PCED1B: variants seen among roughly 807,000 people sequenced by gnomAD.
PCED1B encodes PC-esterase domain-containing protein 1B.
For synonymous variants in PCED1B, 251 were observed against 246.1 expected (o/e 1.02, Z -0.19); for missense variants, 573 against 573.9 (o/e 1.00, Z 0.02).
chr12:47,235,168 T>A lies in PCED1B; in HGVS notation c.105T>A (p.Leu35=), dbSNP rs774080318. ...VHRAVYKDLV[L]LLQKDRLLTP... ...GGGCAGTATACAAGGACCTGGTGCTTCTGCTGCAGAAGGACCGCCTGCTCA... is the reference window on the plus strand; with the variant it reads ...GGGCAGTATACAAGGACCTGGTGCTACTGCTGCAGAAGGACCGCCTGCTCA... Residue 35 remains leucine, a synonymous_variant, in exon 4 of 4, where the codon CTT becomes CTA. Transcript: ENST00000546455. 4.4e-6 allele frequency: 7 copies of A among 1,586,268 alleles called. No homozygotes were observed. In the Admixed American group the frequency reaches 1.2e-4, roughly 27 times the overall value.
intron 2 of PCED1B, among the ~76,000 whole-genome samples, chr12:47,110,854 C>T (rs540551428): frequency 1.5e-4 from 23 of 152,280 alleles, no homozygotes; most frequent in Admixed American, 4.6e-4. Flanking sequence ...CTTGGTCCAA[C>T]GTGAAGTTTG....
chr12:47,157,440 A>G (rs1941229900), intron 2 of PCED1B, among the ~76,000 whole-genome samples: 1 of 152,108 alleles, frequency 6.6e-6, no homozygotes, highest in African/African-American at 2.4e-5. Flanking sequence ...AACTTTAAAA[A>G]TTGGCCAGGC....
At chr12:47,232,025 T>A (rs1224363613) in intron 3 of PCED1B, among the ~76,000 whole-genome samples, 1 of 152,228 alleles carries the variant, frequency 6.6e-6, no homozygotes, top group African/African-American at 2.4e-5. Context: ...TATCAACTAG[T>A]ATTTCTGATC....
At chr12:47,117,593 A>G (rs1939481889) in intron 2 of PCED1B, among the ~76,000 whole-genome samples, 2 of 152,064 alleles carry the variant, frequency 1.3e-5, no homozygotes, top group Non-Finnish European at 2.9e-5. Context: ...AATCCAGTCT[A>G]TCATTGTTGG....
intron 2 of PCED1B, among the ~76,000 whole-genome samples, chr12:47,175,151 A>G (rs1941880911): frequency 6.6e-6 from 1 of 152,174 alleles, no homozygotes; most frequent in African/African-American, 2.4e-5. Context: ...ACAAATCGTA[A>G]AAGAGGTAGA....
At chr12:47,197,290 T>TA (rs1335525658) in intron 2 of PCED1B, among the ~76,000 whole-genome samples, 14 of 133,170 alleles carry the variant, frequency 1.1e-4, no homozygotes, top group South Asian at 2.5e-4. Flanking sequence ...CCCTCGCTTG[T>TA]AAAAAAAAGT....
chr12:47,216,909 G>C (rs187507264), intron 3 of PCED1B, among the ~76,000 whole-genome samples: 3 of 152,164 alleles, frequency 2.0e-5, no homozygotes, highest in Non-Finnish European at 2.9e-5. Context: ...AAAATGGACA[G>C]TGAAAGAAAA....
chr12:47,094,570 T>C (rs1938398812), intron 1 of PCED1B, among the ~76,000 whole-genome samples: 1 of 152,146 alleles, frequency 6.6e-6, no homozygotes, highest in African/African-American at 2.4e-5. Flanking sequence ...ACTTGCAAGT[T>C]TTACTTCTTT....
intron 2 of PCED1B, among the ~76,000 whole-genome samples, chr12:47,130,803 T>C (rs1408590887): frequency 6.6e-6 from 1 of 152,202 alleles, no homozygotes; most frequent in African/African-American, 2.4e-5. Context: ...ATAGCAATGA[T>C]CAGATTATAC....
At chr12:47,179,027 G>C (rs911369824) in intron 2 of PCED1B, among the ~76,000 whole-genome samples, 1 of 152,158 alleles carries the variant, frequency 6.6e-6, no homozygotes, top group East Asian at 1.9e-4. Context: ...ACTTTGAAAA[G>C]TAATTACATA....
At position 47,236,190 on chromosome 12, in the gene PCED1B, G is replaced by T. The variant is rs1334602451; in HGVS notation, c.1127G>T (p.Gly376Val). 1 of 1,614,056 alleles carries T rather than the reference G, an allele frequency of 6.2e-7. No homozygotes were observed. The highest frequency in any genetic ancestry group is 8.5e-7 in the Non-Finnish European group (1 of 1,180,018). Reference sequence around the variant, plus strand: ...TTCGTCGAAGACAATTTTATGGTTGGTCCTCAGCTGCCTATGCCCTTCTTC... The same window carrying T: ...TTCGTCGAAGACAATTTTATGGTTGTTCCTCAGCTGCCTATGCCCTTCTTC... ...GFFVEDNFMV[G>V]PQLPMPFFPT... Residue 376 changes from glycine to valine, a missense_variant, in exon 4 of 4, where the codon GGT becomes GTT. Gly to Val is a moderately radical substitution (Grantham distance 109). Coordinates refer to ENST00000546455, the MANE Select transcript of PCED1B (RefSeq NM_138371.3).
chr12:47,193,509 A>G (rs1174702089), intron 2 of PCED1B, among the ~76,000 whole-genome samples: 1 of 152,096 alleles, frequency 6.6e-6, no homozygotes, highest in Non-Finnish European at 1.5e-5. Context: ...ACTCGCCTGG[A>G]TTACAATAGT....
chr12:47,201,169 T>A (rs1351124228), intron 2 of PCED1B, among the ~76,000 whole-genome samples: 1 of 152,066 alleles, frequency 6.6e-6, no homozygotes, highest in African/African-American at 2.4e-5. Context: ...TTAAAAGAAT[T>A]TTACAGAAAT....
intron 2 of PCED1B, among the ~76,000 whole-genome samples, chr12:47,199,933 C>A (rs73110234): frequency 1.6e-4 from 24 of 152,118 alleles, no homozygotes; most frequent in Non-Finnish European, 3.2e-4. Context: ...AATAAAAGGG[C>A]AAGCCACAGA....
chr12:47,124,339 A>G (rs768252235), intron 2 of PCED1B, among the ~76,000 whole-genome samples: 16 of 152,008 alleles, frequency 1.1e-4, no homozygotes, highest in Non-Finnish European at 1.9e-4. Context: ...ATGTTGTTTT[A>G]TGTATCAATA....
rs745770383 is a variant in PCED1B, at chr12:47,235,132, C to T, written c.69C>T (p.Asp23=). The T allele has an allele frequency of 9.1e-6, 14 of 1,545,618 alleles. No homozygotes were observed. The East Asian group carries it at 2.9e-4, about 32-fold the overall frequency. ...ATAAGTTCGTGGTCATCCTGGGGGA[C>T]TCTGTGCATAGGGCAGTATACAAGG... ...LHNKFVVILG[D]SVHRAVYKDL... The change falls in exon 4 of 4, where the codon GAC becomes GAT. Residue 23 remains aspartate (D), a synonymous_variant. Transcript: ENST00000546455.
intron 1 of PCED1B, among the ~76,000 whole-genome samples, chr12:47,089,476 A>G (rs987458124): frequency 1.2e-3 from 112 of 90,154 alleles, no homozygotes; most frequent in Non-Finnish European, 1.9e-3. Flanking sequence ...ATATATATAT[A>G]TATATATATA....
chr12:47,139,194 T>C (rs1361585071), intron 2 of PCED1B, among the ~76,000 whole-genome samples: 1 of 152,114 alleles, frequency 6.6e-6, no homozygotes, highest in Admixed American at 6.5e-5. Context: ...GTTACTTCTC[T>C]TTTTGAAGCT....
intron 1 of PCED1B, among the ~76,000 whole-genome samples, chr12:47,089,717 T>A (rs950455722): frequency 6.6e-6 from 1 of 151,888 alleles, no homozygotes; most frequent in African/African-American, 2.4e-5. Flanking sequence ...AATATTTAGA[T>A]GGGCTGGATA....
Sources: allele counts gnomAD v4.1 joint callset (sites outside exome capture counted in the v4.1 genomes callset), GRCh38; gene constraint gnomAD v4.1.1; transcripts MANE v1.5; gene names NCBI Gene and HGNC (gene_info 2026-07-23, HGNC 2026-07-21).